SMIM36: variants seen among roughly 807,000 people sequenced by gnomAD.
SMIM36 encodes small integral membrane protein 36.
chr17:55,458,726 T>A (rs1374806698), intron 4 of SMIM36, among the ~76,000 whole-genome samples: 2 of 151,524 alleles, frequency 1.3e-5, no homozygotes, highest in Non-Finnish European at 2.9e-5. Context: ...GGCAGTGGAG[T>A]CTGGCCAGGG....
intron 4 of SMIM36, among the ~76,000 whole-genome samples, chr17:55,453,311 G>GTAAATAAATAAATAAATAAATAAA (rs1010533696): frequency 1.4e-4 from 21 of 152,098 alleles, no homozygotes; most frequent in African/African-American, 4.6e-4. Flanking sequence ...AAATAAGTAA[G>GTAAATAAATAAATAAATAAATAAA]TAAATAAATA....
the SMIM36 span, among the ~76,000 whole-genome samples, chr17:55,516,811 C>T: frequency 3.9e-5 from 6 of 152,038 alleles, no homozygotes; most frequent in African/African-American, 9.7e-5. Flanking sequence ...CCACCTGCCT[C>T]GGCCTCCTAA....
intron 4 of SMIM36, among the ~76,000 whole-genome samples, chr17:55,466,555 T>C (rs1262139285): frequency 3.3e-5 from 5 of 152,204 alleles, no homozygotes; most frequent in African/African-American, 1.2e-4. Flanking sequence ...ATTCCTTTCC[T>C]CTTGGAGTTC....
At chr17:55,457,208 G>A (rs1000331286) in intron 4 of SMIM36, among the ~76,000 whole-genome samples, 1 of 151,978 alleles carries the variant, frequency 6.6e-6, no homozygotes, top group South Asian at 2.1e-4. Context: ...CCAGCACTTC[G>A]GGAGGCTGAG....
chr17:55,453,276 C>T (rs368906823), intron 4 of SMIM36, among the ~76,000 whole-genome samples: 10 of 150,226 alleles, frequency 6.7e-5, no homozygotes, highest in African/African-American at 1.8e-4. Context: ...ATGATCAAGC[C>T]GCTGTACCCC....
At chr17:55,486,315 G>T (rs1359826286) in intron 1 of SMIM36, among the ~76,000 whole-genome samples, 2 of 152,128 alleles carry the variant, frequency 1.3e-5, no homozygotes, top group Non-Finnish European at 2.9e-5. Flanking sequence ...AGGATTACAG[G>T]CGTGAGCTAT....
chr17:55,464,022 T>C (rs1351643033), intron 4 of SMIM36, among the ~76,000 whole-genome samples: 1 of 151,808 alleles, frequency 6.6e-6, no homozygotes, highest in Admixed American at 6.6e-5. Context: ...GGCTGAGGCA[T>C]GAGAATTGCC....
At chr17:55,461,310 A>G (rs1432601847) in intron 4 of SMIM36, among the ~76,000 whole-genome samples, 2 of 152,178 alleles carry the variant, frequency 1.3e-5, no homozygotes, top group Non-Finnish European at 2.9e-5. Context: ...TATCCTTGCT[A>G]AAAAGAAATG....
At chr17:55,496,150 G>A (rs1259239972) in intron 1 of SMIM36, among the ~76,000 whole-genome samples, 1 of 152,170 alleles carries the variant, frequency 6.6e-6, no homozygotes, top group Admixed American at 6.5e-5. Context: ...CCACTGCCAC[G>A]TTTCCGCTGA....
chr17:55,524,605 T>C, the SMIM36 span, among the ~76,000 whole-genome samples: 6 of 152,206 alleles, frequency 3.9e-5, no homozygotes, highest in African/African-American at 1.2e-4. Context: ...TTTTTGGTAG[T>C]AACTATTCTG....
At chr17:55,477,686 A>G (rs1016110119) in intron 3 of SMIM36, among the ~76,000 whole-genome samples, 3 of 152,128 alleles carry the variant, frequency 2.0e-5, no homozygotes, top group Non-Finnish European at 2.9e-5. Flanking sequence ...TTTATTAGAT[A>G]TGATCTTGGT....
intron 1 of SMIM36, among the ~76,000 whole-genome samples, chr17:55,483,137 A>G (rs561221608): frequency 3.3e-5 from 5 of 152,370 alleles, no homozygotes; most frequent in African/African-American, 1.2e-4. Flanking sequence ...TTACATAGGA[A>G]GCAGCAGAAC....
chr17:55,463,303 C>T (rs1039491150), intron 4 of SMIM36, among the ~76,000 whole-genome samples: 1 of 152,074 alleles, frequency 6.6e-6, no homozygotes, highest in Admixed American at 6.6e-5. Context: ...CCTGTAATCC[C>T]AGCACTTTGG....
rs551423333 is a variant in SMIM36, at chr17:55,481,521, C to T, written c.*175-1941G>A. Among the ~76,000 whole-genome samples, 198 of 152,210 alleles carry T rather than the reference C, an allele frequency of 1.3e-3. 2 individuals carry two copies. The South Asian group carries it at 0.018, about 14-fold the overall frequency. On this transcript the variant is annotated intron_variant, in intron 1 of 4. Coordinates refer to ENST00000636752, the Ensembl canonical transcript of SMIM36. ...TGCACGGTACAATCCCTCCTGTTTT[C>T]GATCATGACAAATCTGAATCATCAA...
chr17:55,481,876 T>C (rs1393908279), intron 1 of SMIM36, among the ~76,000 whole-genome samples: 2 of 152,064 alleles, frequency 1.3e-5, no homozygotes, highest in East Asian at 1.9e-4. Flanking sequence ...TTTATTTTTT[T>C]TGTAGAAATG....
chr17:55,481,073 CCTGT>C (rs1909511428), intron 1 of SMIM36, among the ~76,000 whole-genome samples: 1 of 151,314 alleles, frequency 6.6e-6, no homozygotes, highest in Admixed American at 6.6e-5. Flanking sequence ...TCTCTGTCTC[CCTGT>C]CTCTGTCTCT....
intron 1 of SMIM36, among the ~76,000 whole-genome samples, chr17:55,493,130 A>G (rs17757447): frequency 0.02 from 3,099 of 152,348 alleles, 48 homozygotes; most frequent in Non-Finnish European, 0.032. Flanking sequence ...TGCTGTAGCC[A>G]CGGGCAGTTT....
At chr17:55,518,085 AT>A in the SMIM36 span, among the ~76,000 whole-genome samples, 7 of 152,314 alleles carry the variant, frequency 4.6e-5, no homozygotes, top group Admixed American at 3.9e-4. Context: ...TTGAGACTGG[AT>A]AACTTGGCTT....
At chr17:55,525,041 G>A in the SMIM36 span, among the ~76,000 whole-genome samples, 14 of 152,190 alleles carry the variant, frequency 9.2e-5, no homozygotes, top group Non-Finnish European at 1.6e-4. Context: ...AAGGTCGTAT[G>A]TTTTTATGTG....
Sources: allele counts gnomAD v4.1 joint callset (sites outside exome capture counted in the v4.1 genomes callset), GRCh38; gene constraint gnomAD v4.1.1; transcripts MANE v1.5; gene names NCBI Gene and HGNC (gene_info 2026-07-23, HGNC 2026-07-21).